EIF4ENIF1: variants seen among roughly 807,000 people sequenced by gnomAD.
EIF4ENIF1 encodes eukaryotic translation initiation factor 4E nuclear import factor 1, also known as eukaryotic translation initiation factor 4E transporter.
EIF4ENIF1 carries 23 observed loss-of-function variants against 110.5 expected under a neutral mutation model. The ratio of observed to expected loss-of-function variants is 0.21; its 90% confidence interval spans 0.15 to 0.29. EIF4ENIF1 has a LOEUF of 0.29. Among genes scored for constraint, EIF4ENIF1 ranks in the 10% least tolerant of loss-of-function variants. The pLI is 1.00. For synonymous variants in EIF4ENIF1, 440 were observed against 437.0 expected (o/e 1.01, Z -0.09); for missense variants, 1,031 against 1,221.1 (o/e 0.84, Z 2.32).
intron 7 of EIF4ENIF1, among the ~76,000 whole-genome samples, chr22:31,456,489 C>T (rs2050832448): frequency 6.6e-6 from 1 of 151,914 alleles, no homozygotes; most frequent in African/African-American, 2.4e-5. Flanking sequence ...TCCCAAAGTG[C>T]TGGGATTACA....
At chr22:31,488,833 A>G in intron 1 of EIF4ENIF1, 88 bp from the exon 2 acceptor site, 1 of 1,439,228 alleles carries the variant, frequency 6.9e-7, no homozygotes, top group Non-Finnish European at 9.2e-7. Flanking sequence ...AAACTTTTTA[A>G]TCTCTCAAAA....
chr22:31,463,263 C>T, intron 5 of EIF4ENIF1, 130 bp from the exon 6 acceptor site: 1 of 810,968 alleles, frequency 1.2e-6, no homozygotes, highest in East Asian at 2.7e-5. Context: ...CCATCACCAC[C>T]CCCACCCCTT....
chr22:31,470,186 A>T (rs1235817522), intron 3 of EIF4ENIF1, among the ~76,000 whole-genome samples: 2 of 27,456 alleles, frequency 7.3e-5, no homozygotes, highest in African/African-American at 1.6e-4. Context: ...AAAAAAAAAG[A>T]AAAATCCTAA....
chr22:31,476,821 G>C (rs1361188534), intron 2 of EIF4ENIF1, among the ~76,000 whole-genome samples: 1 of 149,152 alleles, frequency 6.7e-6, no homozygotes, highest in Non-Finnish European at 1.5e-5. Flanking sequence ...GGACAACAGA[G>C]TAAGATTCTG....
intron 7 of EIF4ENIF1, among the ~76,000 whole-genome samples, chr22:31,456,895 G>A (rs189624014): frequency 2.0e-5 from 3 of 152,264 alleles, no homozygotes; most frequent in Admixed American, 6.5e-5. Flanking sequence ...GTAAATCCAC[G>A]TACTACCAAA....
intron 14 of EIF4ENIF1, among the ~76,000 whole-genome samples, chr22:31,446,713 A>G (rs1358031490): frequency 6.6e-6 from 1 of 152,216 alleles, no homozygotes; most frequent in Non-Finnish European, 1.5e-5. Context: ...GGCACAGGGC[A>G]CATGGAGGCC....
At chr22:31,480,432 A>G (rs1465492249) in intron 2 of EIF4ENIF1, among the ~76,000 whole-genome samples, 2 of 152,230 alleles carry the variant, frequency 1.3e-5, no homozygotes, top group Non-Finnish European at 2.9e-5. Flanking sequence ...AGAATTTCAC[A>G]TAAGTCACAT....
chr22:31,488,838 T>G, intron 1 of EIF4ENIF1, 93 bp from the exon 2 acceptor site: 2 of 1,398,824 alleles, frequency 1.4e-6, no homozygotes, highest in Non-Finnish European at 1.9e-6. Context: ...TTTTAATCTC[T>G]CAAAACAGCT....
chr22:31,460,719 G>A (rs987971900), intron 6 of EIF4ENIF1, among the ~76,000 whole-genome samples: 1 of 151,884 alleles, frequency 6.6e-6, no homozygotes, highest in Non-Finnish European at 1.5e-5. Flanking sequence ...GGCTGAGGCG[G>A]GTGGATCACG....
intron 1 of EIF4ENIF1, chr22:31,489,239 G>A (rs2052164969): frequency 6.5e-6 from 1 of 153,572 alleles, no homozygotes; most frequent in Non-Finnish European, 1.4e-5. Context: ...CGCACCTGTG[G>A]CCATGTCAGG....
chr22:31,466,093 T>C (rs968036705), intron 4 of EIF4ENIF1, among the ~76,000 whole-genome samples: 20 of 152,080 alleles, frequency 1.3e-4, no homozygotes, highest in African/African-American at 4.1e-4. Flanking sequence ...CTGGCCAACA[T>C]AGGGAAACCT....
intron 2 of EIF4ENIF1, among the ~76,000 whole-genome samples, chr22:31,477,954 G>C (rs1231370329): frequency 6.6e-6 from 1 of 152,186 alleles, no homozygotes; most frequent in Non-Finnish European, 1.5e-5. Context: ...ATGCATTTGT[G>C]CAATTTCTGC....
chr22:31,485,119 C>A (rs1601659329), intron 2 of EIF4ENIF1, among the ~76,000 whole-genome samples: 1 of 152,172 alleles, frequency 6.6e-6, no homozygotes, highest in African/African-American at 2.4e-5. Flanking sequence ...AAAGCACTAC[C>A]CTAACACTGC....
chr22:31,448,776 T>A (rs544890269), intron 12 of EIF4ENIF1, among the ~76,000 whole-genome samples: 2 of 152,336 alleles, frequency 1.3e-5, no homozygotes, highest in East Asian at 3.9e-4. Flanking sequence ...AACAGCAGAT[T>A]GTCTATCAAA....
At chr22:31,450,231 C>A in intron 11 of EIF4ENIF1, 58 bp downstream of exon 11, 4 of 1,448,108 alleles carry the variant, frequency 2.8e-6, no homozygotes, top group Non-Finnish European at 3.8e-6. Flanking sequence ...CTAAGCAAAA[C>A]TGGTTCAGAA....
At chr22:31,478,991 C>T (rs371483567) in intron 2 of EIF4ENIF1, among the ~76,000 whole-genome samples, 6 of 150,622 alleles carry the variant, frequency 4.0e-5, no homozygotes, top group Non-Finnish European at 8.9e-5. Flanking sequence ...TACAACTGTC[C>T]ACATAATATA....
chr22:31,465,011 C>T (rs1489024792), intron 4 of EIF4ENIF1, among the ~76,000 whole-genome samples: 1 of 151,798 alleles, frequency 6.6e-6, no homozygotes. Context: ...TGATAAAGGA[C>T]TTAAATTCAG....
intron 17 of EIF4ENIF1, 39 bp from the exon 18 acceptor site, chr22:31,440,907 T>C (rs768186055): frequency 9.9e-6 from 16 of 1,610,086 alleles, no homozygotes; most frequent in Non-Finnish European, 9.3e-6. Flanking sequence ...GTAGTCTTAA[T>C]GTTACCTGGA....
chr22:31,440,814 A>G lies in EIF4ENIF1; in HGVS notation c.2606T>C (p.Ile869Thr). 1 of 1,613,978 alleles carries G rather than the reference A, an allele frequency of 6.2e-7. No homozygotes were observed. Among genetic ancestry groups the G allele is most frequent in the Non-Finnish European group, 8.5e-7 (1 of 1,179,880 alleles). ...LSHLQGISGP[I>T]LGQPFYPLPA... ...TAAAGGGTAAAAGGGCTGACCCAGG[A>G]TGGGGCCAGATATTCCCTGTAAATG... The change falls in exon 18 of 19, where the codon ATC becomes ACC. Residue 869 changes from isoleucine (I) to threonine (T), a missense_variant. Ile to Thr is a moderately conservative substitution (Grantham distance 89, BLOSUM62 -1). This residue lies in a region of EIF4ENIF1 where 309 missense variants were observed against 299.1 expected (regional missense o/e 1.03). Transcript: ENST00000330125.
Sources: gnomAD v4.1 joint callset for allele counts (sites outside exome capture counted in the v4.1 genomes callset) on GRCh38, gnomAD v4.1.1 for gene constraint, gnomAD v4.1.1 regional missense constraint, MANE v1.5 for transcripts, NCBI Gene and HGNC (gene_info 2026-07-23, HGNC 2026-07-21) for gene names.